Variants in RNF157 observed in about 807,000 individuals in gnomAD.
RNF157 encodes the protein E3 ubiquitin ligase RNF157.
A neutral mutation model predicts 88.3 loss-of-function variants in RNF157; 55 were observed. That is an observed-to-expected ratio of 0.62 (90% CI 0.50 to 0.78). The LOEUF (loss-of-function observed/expected upper bound fraction) is 0.78, where lower values mean the gene tolerates loss of function less well. RNF157 is among the 30% of genes least tolerant of loss of function. The pLI is 0.00. For synonymous variants in RNF157, 334 were observed against 341.2 expected, an observed-to-expected ratio of 0.98 and a Z score of 0.23; for missense variants, 788 against 860.8, an observed-to-expected ratio of 0.92 and a Z score of 1.06.
intron 1 of RNF157, among the ~76,000 whole-genome samples, chr17:76,224,888 AG>A (rs1300777692): frequency 6.6e-6 from 1 of 152,188 alleles, no homozygotes; most frequent in African/African-American, 2.4e-5. Context: ...TTAAAAAATT[AG>A]GGCTGGGAGC....
At chr17:76,198,681 CTCTAA>C (rs921724479) in intron 2 of RNF157, among the ~76,000 whole-genome samples, 4 of 152,216 alleles carry the variant, frequency 2.6e-5, no homozygotes, top group African/African-American at 9.7e-5. Context: ...TCTCATGACT[CTCTAA>C]TCTACCTTCT....
intron 14 of RNF157, 74 bp from the exon 15 acceptor site, chr17:76,155,808 C>T: frequency 7.8e-7 from 1 of 1,284,176 alleles, no homozygotes; most frequent in Non-Finnish European, 1.1e-6. Context: ...GGGAGCAGAG[C>T]CCTCTCCCTG....
chr17:76,155,830 TGAG>T (rs1470077901), intron 14 of RNF157, 96 bp from the exon 15 acceptor site: 3 of 1,140,772 alleles, frequency 2.6e-6, no homozygotes, highest in African/African-American at 1.6e-5. Context: ...ATTCAGGCAT[TGAG>T]GAGTGAAGTG....
At chr17:76,166,327 G>T in intron 6 of RNF157, 134 bp downstream of exon 6, 1 of 748,162 alleles carries the variant, frequency 1.3e-6, no homozygotes, top group Non-Finnish European at 2.3e-6. Flanking sequence ...GATGTGAGAG[G>T]ATGCAGAGAC....
In RNF157 at chr17:76,146,336, T is replaced by C; in HGVS notation, c.1922-983A>G. The C allele has an allele frequency of 1.0e-6, 1 of 985,314 alleles. No individual in the cohort carries two copies. Among genetic ancestry groups the C allele is most frequent in the African/African-American group, 1.7e-5 (1 of 57,326 alleles). The allele number at this position is 985,314 out of a possible 1,614,324, so 61.0% of individuals were successfully genotyped here. The stretch of plus-strand genomic sequence containing the variant: ...GGACTAGATGAGAGAATGCGAGCGT[T>C]GGTGAGTATCTGACTCCTAGAATAG... On this transcript the variant is annotated intron_variant, in intron 18 of 18. Coordinates refer to ENST00000269391, the MANE Select transcript of RNF157 (RefSeq NM_052916.3). The surrounding 1 kb of genome is among the most constrained non-coding windows in gnomAD (Gnocchi z 4.2).
chr17:76,202,533 C>G (rs1037706255), intron 2 of RNF157: 4 of 153,444 alleles, frequency 2.6e-5, no homozygotes, highest in African/African-American at 9.6e-5. Flanking sequence ...AGCAATGATG[C>G]CACACTTGCC....
intron 2 of RNF157, among the ~76,000 whole-genome samples, chr17:76,199,054 A>G (rs73360627): frequency 0.034 from 5,252 of 152,302 alleles, 288 homozygotes; most frequent in African/African-American, 0.12. Context: ...CAGCCTGGAG[A>G]ACAATGGGTA....
At position 76,238,514 on chromosome 17, in the gene RNF157, T is replaced by C. The variant is rs115622841; in HGVS notation, c.88+1639A>G. ...TTTTATTATCATCACCCAAGATTCA[T>C]ACTTGTACAAATATGCTTTGGGGAA... On this transcript the variant is annotated intron_variant, in intron 1 of 18. Transcript: ENST00000269391. Among the ~76,000 whole-genome samples, 524 of 152,368 alleles carry C rather than the reference T, an allele frequency of 3.4e-3. 5 individuals carry two copies. Among genetic ancestry groups the C allele is most frequent in the African/African-American group, 0.012 (501 of 41,588 alleles).
intron 1 of RNF157, among the ~76,000 whole-genome samples, chr17:76,227,437 G>A (rs368107607): frequency 6.6e-6 from 1 of 151,880 alleles, no homozygotes; most frequent in African/African-American, 2.4e-5. Flanking sequence ...CTCTTCAGAG[G>A]ACTGACTCTA....
rs371381620 is a variant in RNF157 at position 76,161,623 on chromosome 17, C to T, written c.977G>A (p.Arg326Gln). The T allele has an allele frequency of 1.3e-5, 21 of 1,613,898 alleles. No individual in the cohort carries two copies. Among genetic ancestry groups the T allele is most frequent in the South Asian group, 2.2e-5 (2 of 91,078 alleles). Residue 326 changes from arginine to glutamine, a missense_variant, in exon 11 of 19, where the codon CGA (arginine) becomes CAA (glutamine). Physicochemically the swap from Arg to Gln is conservative, Grantham distance 43 (BLOSUM62 1). Coordinates refer to ENST00000269391, the MANE Select transcript of RNF157 (RefSeq NM_052916.3). This position sits in a 1 kb window ranked among gnomAD's most constrained non-coding sequence, Gnocchi z 4.6. ...RLPFRALLQIRAMRKKLGPLS... is the reference protein window; with the variant it reads ...RLPFRALLQIQAMRKKLGPLS... ...GGGGCCCAATTTTTTCCTCATGGCTCGGATCTGAAGCAGTGCCCGGAAGGC... is the reference window on the plus strand; with the variant it reads ...GGGGCCCAATTTTTTCCTCATGGCTTGGATCTGAAGCAGTGCCCGGAAGGC...
Position 76,234,646 on chromosome 17 carries a change from T to C in RNF157, c.88+5507A>G, listed in dbSNP as rs986728096. On this transcript the variant is annotated intron_variant, in intron 1 of 18. Coordinates refer to ENST00000269391, the MANE Select transcript of RNF157 (RefSeq NM_052916.3). ...TAATGATCATCTCTTCAAGTGCTTATTGTCCACTGTATATCTTTTTTGGAG... is the reference window on the plus strand; with the variant it reads ...TAATGATCATCTCTTCAAGTGCTTACTGTCCACTGTATATCTTTTTTGGAG... 2.0e-5 allele frequency among the ~76,000 whole-genome samples: 3 copies of C among 152,236 alleles called. No homozygotes were observed. In the South Asian group the frequency reaches 6.2e-4, roughly 32 times the overall value.
intron 2 of RNF157, among the ~76,000 whole-genome samples, chr17:76,175,559 T>TA (rs1443725035): frequency 2.6e-5 from 4 of 152,200 alleles, no homozygotes; most frequent in African/African-American, 9.7e-5. Context: ...TAGGCTGTCA[T>TA]ACTAAAGGAA....
chr17:76,150,230 TACCTGAGGCCCTCTCCCGAGAGCCAACAC>T (rs1260978539), intron 18 of RNF157, among the ~76,000 whole-genome samples: 2 of 152,124 alleles, frequency 1.3e-5, no homozygotes, highest in African/African-American at 4.8e-5. Context: ...AACATGCCTA[TACCTGAGGCCCTCTCCCGAGAGCCAACAC>T]AGGCATTTGA....
chr17:76,197,231 G>A (rs574336165), intron 2 of RNF157, among the ~76,000 whole-genome samples: 1 of 152,290 alleles, frequency 6.6e-6, no homozygotes, highest in African/African-American at 2.4e-5. Context: ...ATAATATCCA[G>A]GCGATTTTGA....
At chr17:76,168,428 A>ATTTT (rs55760274) in intron 3 of RNF157, among the ~76,000 whole-genome samples, 3 of 141,862 alleles carry the variant, frequency 2.1e-5, no homozygotes, top group Non-Finnish European at 1.6e-5. Context: ...TGCTCATCCT[A>ATTTT]TTTTTTTTTT....
intron 2 of RNF157, among the ~76,000 whole-genome samples, chr17:76,196,341 G>A (rs982313859): frequency 1.3e-4 from 20 of 152,160 alleles, no homozygotes; most frequent in African/African-American, 3.1e-4. Context: ...TTAGGATTGC[G>A]GTTACCTTAG....
At position 76,180,539 on chromosome 17, in the gene RNF157, C is replaced by T. The variant is rs564093555; in HGVS notation, c.208-6749G>A. 1.0e-3 allele frequency among the ~76,000 whole-genome samples: 156 copies of T among 152,272 alleles called. 2 individuals carry two copies. The highest frequency in any genetic ancestry group is 1.6e-3 in the Non-Finnish European group (109 of 68,004). ...TATGTGCCAGGCATTATGCTAGGTA[C>T]TTTAGATAGATTCTTTTTGTCCCCC... On this transcript the variant is annotated intron_variant, in intron 2 of 18. Transcript: ENST00000269391.
intron 13 of RNF157, among the ~76,000 whole-genome samples, 189 bp downstream of exon 13, chr17:76,158,204 C>T (rs989732363): frequency 2.0e-5 from 3 of 152,176 alleles, no homozygotes; most frequent in Non-Finnish European, 4.4e-5. Context: ...TAGCACAGTG[C>T]CTGGCAAATA....
chr17:76,240,024 A>T lies in RNF157; in HGVS notation c.88+129T>A. 2.6e-6 allele frequency: 1 copy of T among 382,996 alleles called. No homozygotes were observed. Among genetic ancestry groups the T allele is most frequent in the Admixed American group, 5.2e-5 (1 of 19,100 alleles). 23.7% of individuals were successfully genotyped at this position (382,996 alleles called of 1,614,324 possible). On this transcript the variant is annotated intron_variant, in intron 1 of 18. Coordinates refer to ENST00000269391, the MANE Select transcript of RNF157 (RefSeq NM_052916.3). The surrounding 1 kb of genome is among the most constrained non-coding windows in gnomAD (Gnocchi z 4.4). Reference sequence around the variant, plus strand: ...CTTCTCGAAGACCTCCCGCGCTCGAAGACCGTTTCGGAGCGTCCGCAACCA... The same window carrying T: ...CTTCTCGAAGACCTCCCGCGCTCGATGACCGTTTCGGAGCGTCCGCAACCA...
Sources: allele counts gnomAD v4.1 joint callset (sites outside exome capture counted in the v4.1 genomes callset), GRCh38; gene constraint gnomAD v4.1.1; non-coding constraint Gnocchi (gnomAD v3.1); transcripts MANE v1.5; gene names NCBI Gene and HGNC (gene_info 2026-07-23, HGNC 2026-07-21).